Variants in GRID1 observed in about 807,000 individuals in gnomAD.
The protein encoded by GRID1 is glutamate ionotropic receptor delta type subunit 1.
A neutral mutation model predicts 98.0 loss-of-function variants in GRID1; 28 were observed. That is an observed-to-expected ratio of 0.29 (90% CI 0.21 to 0.39). The LOEUF (loss-of-function observed/expected upper bound fraction) is 0.39, where lower values mean the gene tolerates loss of function less well. GRID1 is among the 10% of genes least tolerant of loss of function. GRID1 has a pLI of 1.00. For synonymous variants in GRID1, 553 were observed against 538.5 expected (o/e 1.03, Z -0.37); for missense variants, 1,111 against 1,340.5 (o/e 0.83, Z 2.67).
chr10:85,743,551 T>C (rs181311323), intron 8 of GRID1, among the ~76,000 whole-genome samples: 2 of 152,276 alleles, frequency 1.3e-5, no homozygotes, highest in African/African-American at 4.8e-5. Context: ...GGAAGGAAGA[T>C]AGGAGAACCT....
rs147251528 is a variant in GRID1 at position 85,652,861 on chromosome 10, T to C, written c.1998-5464A>G. Reference sequence around the variant, plus strand: ...TTCAAAAAACCCTATTTCCTGTGCATCTGTCTGCATTAGACAGTGCTCTAT... The same window carrying C: ...TTCAAAAAACCCTATTTCCTGTGCACCTGTCTGCATTAGACAGTGCTCTAT... On this transcript the variant is annotated intron_variant, in intron 12 of 15. Coordinates refer to ENST00000327946, the MANE Select transcript of GRID1 (RefSeq NM_017551.3). 5.8e-3 allele frequency among the ~76,000 whole-genome samples: 891 copies of C among 152,314 alleles called. 8 individuals carry two copies. The highest frequency in any genetic ancestry group is 0.011 in the Admixed American group (171 of 15,296).
chr10:85,995,211 T>C (rs1842726047), intron 4 of GRID1, among the ~76,000 whole-genome samples: 1 of 152,184 alleles, frequency 6.6e-6, no homozygotes, highest in Non-Finnish European at 1.5e-5. Context: ...TTTCCAATAA[T>C]CTATCACTAG....
chr10:86,037,158 G>C (rs1054777460), intron 4 of GRID1, among the ~76,000 whole-genome samples: 1 of 152,218 alleles, frequency 6.6e-6, no homozygotes, highest in African/African-American at 2.4e-5. Context: ...TGCCGTCCAA[G>C]CTTTGAGCAA....
chr10:85,828,692 A>G lies in GRID1; in HGVS notation c.1233+25804T>C, dbSNP rs73330579. ...TACTCTGAACACCTCTGTGCACACA[A>G]ACTAGAAAACCTAGAAAAAAATGAA... On this transcript the variant is annotated intron_variant, in intron 8 of 15. Transcript: ENST00000327946. Among the ~76,000 whole-genome samples the G allele has an allele frequency of 5.7e-3, 869 of 152,260 alleles. 8 individuals carry two copies. The highest frequency in any genetic ancestry group is 0.02 in the African/African-American group (817 of 41,556).
chr10:86,031,386 C>A (rs1843183258), intron 4 of GRID1, among the ~76,000 whole-genome samples: 1 of 151,894 alleles, frequency 6.6e-6, no homozygotes, highest in Non-Finnish European at 1.5e-5. Flanking sequence ...AAGATGGGAA[C>A]AATAAACACT....
At chr10:85,612,527 A>G (rs1422756627) in intron 15 of GRID1, among the ~76,000 whole-genome samples, 2 of 152,140 alleles carry the variant, frequency 1.3e-5, no homozygotes, top group African/African-American at 4.8e-5. Context: ...TTTGAGGTTT[A>G]TATCCATCTG....
At chr10:86,339,925 A>G (rs74484215) in intron 2 of GRID1, among the ~76,000 whole-genome samples, 1,670 of 152,274 alleles carry the variant, frequency 0.011, 32 homozygotes, top group African/African-American at 0.037. Context: ...CAAGTGGCCT[A>G]TTAAAAGGAG....
At chr10:86,057,757 C>A (rs1843594377) in intron 4 of GRID1, among the ~76,000 whole-genome samples, 1 of 152,272 alleles carries the variant, frequency 6.6e-6, no homozygotes, top group East Asian at 1.9e-4. Context: ...CTCAGAACCA[C>A]ATCTCTTTCT....
intron 2 of GRID1, among the ~76,000 whole-genome samples, chr10:86,317,600 G>A (rs986871732): frequency 1.3e-5 from 2 of 151,960 alleles, no homozygotes; most frequent in Admixed American, 6.5e-5. Flanking sequence ...GGCAGGCCTC[G>A]GGCAGCAAGG....
chr10:86,331,421 G>T (rs1317916054), intron 2 of GRID1, among the ~76,000 whole-genome samples: 1 of 152,200 alleles, frequency 6.6e-6, no homozygotes, highest in Non-Finnish European at 1.5e-5. Context: ...TGCAGCCAAG[G>T]GGGTGGCCCA....
At chr10:85,629,245 A>G (rs1299716374) in intron 13 of GRID1, among the ~76,000 whole-genome samples, 5 of 152,216 alleles carry the variant, frequency 3.3e-5, no homozygotes, top group Non-Finnish European at 7.3e-5. Flanking sequence ...GAAAATTTGT[A>G]CGAATTTAAA....
chr10:86,259,472 G>A (rs1211913554), intron 2 of GRID1, among the ~76,000 whole-genome samples: 3 of 150,790 alleles, frequency 2.0e-5, no homozygotes, highest in Non-Finnish European at 4.4e-5. Flanking sequence ...ATTAAATTAT[G>A]TAAATACATC....
At chr10:86,051,019 C>T (rs904780182) in intron 4 of GRID1, among the ~76,000 whole-genome samples, 6 of 151,356 alleles carry the variant, frequency 4.0e-5, no homozygotes, top group South Asian at 2.1e-4. Context: ...CAGAGGTTGC[C>T]GTGAGCCAAG....
intron 2 of GRID1, among the ~76,000 whole-genome samples, chr10:86,299,461 C>G (rs1295412251): frequency 6.6e-6 from 1 of 151,402 alleles, no homozygotes; most frequent in Non-Finnish European, 1.5e-5. Flanking sequence ...TTAGGTATAT[C>G]TCCTAATGCT....
chr10:85,937,991 G>C (rs1237565627), intron 4 of GRID1, among the ~76,000 whole-genome samples: 1 of 152,204 alleles, frequency 6.6e-6, no homozygotes, highest in East Asian at 1.9e-4. Flanking sequence ...TAAGGCCAAT[G>C]TGATCTATCA....
At chr10:85,739,412 T>G (rs970195843) in intron 8 of GRID1, among the ~76,000 whole-genome samples, 4 of 151,878 alleles carry the variant, frequency 2.6e-5, no homozygotes, top group African/African-American at 4.8e-5. Context: ...AGACTCCATC[T>G]CTAAAAATAA....
At chr10:85,759,884 C>T (rs981233801) in intron 8 of GRID1, among the ~76,000 whole-genome samples, 2 of 152,178 alleles carry the variant, frequency 1.3e-5, no homozygotes, top group African/African-American at 4.8e-5. Flanking sequence ...CCTAATACAG[C>T]AAAAGTATCT....
At chr10:85,679,467 C>T (rs11201729) in intron 12 of GRID1, among the ~76,000 whole-genome samples, 3,185 of 152,312 alleles carry the variant, frequency 0.021, 62 homozygotes, top group Middle Eastern at 0.051. Context: ...AGCACATTTC[C>T]AGCTGTTCCT....
At chr10:86,271,434 C>G (rs952946) in intron 2 of GRID1, among the ~76,000 whole-genome samples, 10,832 of 152,128 alleles carry the variant, frequency 0.071, 1,076 homozygotes, top group African/African-American at 0.23. Flanking sequence ...AAAAATTTAC[C>G]CATGTGAAGA....
Sources: allele counts gnomAD v4.1 joint callset (sites outside exome capture counted in the v4.1 genomes callset), GRCh38; gene constraint gnomAD v4.1.1; transcripts MANE v1.5; gene names NCBI Gene and HGNC (gene_info 2026-07-23, HGNC 2026-07-21).